The following SMAD9 variants were observed in gnomAD, a reference collection of about 807,000 sequenced individuals.
The protein encoded by SMAD9 is MAD homolog 9.
SMAD9 carries 36 observed loss-of-function variants against 46.1 expected under a neutral mutation model. That is an observed-to-expected ratio of 0.78 (90% CI 0.60 to 1.03). The LOEUF (loss-of-function observed/expected upper bound fraction) is 1.03. Ranked by LOEUF, SMAD9 falls within the 50% of genes least tolerant of loss-of-function variation. The pLI is 0.00. For missense variants in SMAD9, 572 were observed against 599.8 expected (o/e 0.95, Z 0.48); for synonymous variants, 245 against 237.1 (o/e 1.03, Z -0.31).
chr13:36,900,068 C>T (rs1219999972), intron 1 of SMAD9, among the ~76,000 whole-genome samples: 1 of 152,126 alleles, frequency 6.6e-6, no homozygotes. Context: ...CGTTACCTTC[C>T]TGCCTTCTTT....
intron 1 of SMAD9, among the ~76,000 whole-genome samples, chr13:36,898,959 T>G (rs550761147): frequency 2.9e-4 from 44 of 152,124 alleles, no homozygotes; most frequent in Non-Finnish European, 1.8e-4. Context: ...GCATAAAGAT[T>G]AGAAATGAAA....
chr13:36,908,916 T>C (rs2058639224), intron 1 of SMAD9, among the ~76,000 whole-genome samples: 1 of 152,140 alleles, frequency 6.6e-6, no homozygotes, highest in Non-Finnish European at 1.5e-5. Flanking sequence ...TGAAGACTCT[T>C]GGTTTACCAG....
chr13:36,915,733 A>G (rs1243252904), intron 1 of SMAD9, among the ~76,000 whole-genome samples: 1 of 152,232 alleles, frequency 6.6e-6, no homozygotes, highest in Non-Finnish European at 1.5e-5. Flanking sequence ...TTCAGTGCTT[A>G]TGACTTCTAA....
chr13:36,907,597 C>T (rs2058629401), intron 1 of SMAD9, among the ~76,000 whole-genome samples: 1 of 152,154 alleles, frequency 6.6e-6, no homozygotes, highest in Admixed American at 6.5e-5. Context: ...ATGGCTTGAG[C>T]ACAGGAGTCT....
In SMAD9 at chr13:36,872,514, A is replaced by C. The variant is rs1447255828; in HGVS notation, c.670+144T>G. 3.1e-6 allele frequency: 3 copies of C among 973,028 alleles called. No individual in the cohort carries two copies. In the East Asian group the frequency reaches 7.6e-5, roughly 25 times the overall value. 60.3% of individuals were successfully genotyped at this position (973,028 alleles called of 1,614,324 possible). ...ACTGCTTCAAAATAGGTATAGTCCT[A>C]ATCATTTTAAGGCTGATTGCTTTGT... is the stretch of plus-strand genomic sequence containing the variant. On this transcript the variant is annotated intron_variant, in intron 3 of 6. Transcript: ENST00000379826.
chr13:36,909,820 T>C (rs966997870), intron 1 of SMAD9, among the ~76,000 whole-genome samples: 1 of 152,128 alleles, frequency 6.6e-6, no homozygotes, highest in African/African-American at 2.4e-5. Flanking sequence ...ACTAAGATAA[T>C]ATTGTATATT....
intron 1 of SMAD9, among the ~76,000 whole-genome samples, chr13:36,896,083 AC>A (rs1198343024): frequency 6.6e-6 from 1 of 151,538 alleles, no homozygotes; most frequent in Non-Finnish European, 1.5e-5. Flanking sequence ...TTCTACTCCC[AC>A]CCACCCTGTT....
intron 5 of SMAD9, among the ~76,000 whole-genome samples, chr13:36,862,645 G>A (rs1237211442): frequency 6.6e-6 from 1 of 152,196 alleles, no homozygotes; most frequent in Non-Finnish European, 1.5e-5. Context: ...CCATGCTGCT[G>A]CTCTGCCTGT....
At chr13:36,868,859 G>C (rs553933132) in intron 3 of SMAD9, among the ~76,000 whole-genome samples, 1 of 152,228 alleles carries the variant, frequency 6.6e-6, no homozygotes, top group South Asian at 2.1e-4. Flanking sequence ...CAAAAGGTGG[G>C]AACAATCCAA....
At chr13:36,851,984 G>GT in intron 6 of SMAD9, 1 of 979,870 alleles carries the variant, frequency 1.0e-6, no homozygotes. Flanking sequence ...AAAAAAAACT[G>GT]TATGATTCAA....
chr13:36,902,353 T>C (rs1159829809), intron 1 of SMAD9, among the ~76,000 whole-genome samples: 2 of 152,222 alleles, frequency 1.3e-5, no homozygotes, highest in Non-Finnish European at 2.9e-5. Flanking sequence ...TTCTATTCCA[T>C]TGATCTCTAT....
intron 5 of SMAD9, 144 bp from the exon 6 acceptor site, chr13:36,853,819 C>A: frequency 1.2e-6 from 1 of 834,662 alleles, no homozygotes; most frequent in Non-Finnish European, 2.0e-6. Context: ...GACCTAAATG[C>A]CGCTTAGTTT....
chr13:36,900,052 T>C (rs886406018), intron 1 of SMAD9, among the ~76,000 whole-genome samples: 9 of 152,184 alleles, frequency 5.9e-5, no homozygotes. Context: ...TGCTTGAGCA[T>C]GAATCCGTTA....
chr13:36,902,700 C>T (rs2058586788), intron 1 of SMAD9, among the ~76,000 whole-genome samples: 1 of 152,192 alleles, frequency 6.6e-6, no homozygotes, highest in South Asian at 2.1e-4. Flanking sequence ...TCGTGATCCG[C>T]TCATCTCGGC....
chr13:36,888,528 T>C (rs2058465970), intron 1 of SMAD9, among the ~76,000 whole-genome samples: 1 of 152,194 alleles, frequency 6.6e-6, no homozygotes, highest in Non-Finnish European at 1.5e-5. Context: ...CTGGGCTCTT[T>C]TCACCTTTAT....
intron 6 of SMAD9, chr13:36,851,629 G>C (rs1012552673): frequency 3.8e-6 from 2 of 526,396 alleles, no homozygotes; most frequent in African/African-American, 4.2e-5. Flanking sequence ...TTTGTTGACT[G>C]ACTAAGTCCT....
intron 5 of SMAD9, among the ~76,000 whole-genome samples, chr13:36,859,164 T>C (rs891411333): frequency 6.6e-6 from 1 of 152,196 alleles, no homozygotes; most frequent in South Asian, 2.1e-4. Context: ...TTGCATCCTA[T>C]GTTAAAATAT....
At chr13:36,913,402 T>C (rs2058676096) in intron 1 of SMAD9, among the ~76,000 whole-genome samples, 1 of 152,104 alleles carries the variant, frequency 6.6e-6, no homozygotes, top group Non-Finnish European at 1.5e-5. Flanking sequence ...ACAGAGTAAA[T>C]AATGGTTGAA....
At chr13:36,916,542 G>C (rs191384276) in intron 1 of SMAD9, among the ~76,000 whole-genome samples, 10 of 139,480 alleles carry the variant, frequency 7.2e-5, no homozygotes, top group Admixed American at 6.7e-4. Context: ...TTTCAGGAGG[G>C]ACCATGGGTT....
Sources: gnomAD v4.1 joint callset for allele counts (sites outside exome capture counted in the v4.1 genomes callset) on GRCh38, gnomAD v4.1.1 for gene constraint, MANE v1.5 for transcripts, NCBI Gene and HGNC (gene_info 2026-07-23, HGNC 2026-07-21) for gene names.